INCA1: variants seen among roughly 807,000 people sequenced by gnomAD.
The protein encoded by INCA1 is inhibitor of CDK, cyclin A1 interacting protein 1, also known as protein INCA1.
Under a neutral mutation model 25.7 loss-of-function variants are expected in INCA1, and 28 were observed. The ratio of observed to expected loss-of-function variants is 1.09; its 90% CI spans 0.81 to 1.49. The LOEUF (loss-of-function observed/expected upper bound fraction) is 1.49. Among genes scored for constraint, INCA1 ranks in the 40% most tolerant of loss-of-function variants. The pLI is 0.00. For missense variants in INCA1, 309 were observed against 290.9 expected (o/e 1.06, Z -0.45); for synonymous variants, 111 against 103.6 (o/e 1.07, Z -0.43).
intron 5 of INCA1, 146 bp from the exon 6 acceptor site, chr17:4,989,090 G>T: frequency 1.1e-6 from 1 of 911,706 alleles, no homozygotes; most frequent in Non-Finnish European, 1.6e-6. Flanking sequence ...CCAATTTTCT[G>T]CTCCCCTCAG....
chr17:4,994,037 G>A (rs1186414408), intron 2 of INCA1, among the ~76,000 whole-genome samples: 3 of 152,104 alleles, frequency 2.0e-5, no homozygotes, highest in Admixed American at 2.0e-4. Flanking sequence ...CTCCCAAAGT[G>A]CTGGGATTAC....
chr17:4,990,994 C>T (rs1194321702), intron 2 of INCA1, among the ~76,000 whole-genome samples: 1 of 151,682 alleles, frequency 6.6e-6, no homozygotes, highest in Non-Finnish European at 1.5e-5. Context: ...TCTCGGCTCA[C>T]TGCAACCTCC....
chr17:4,997,482 T>C (rs886582), upstream of INCA1: 123,436 of 152,220 alleles, frequency 0.81, 50,982 homozygotes, highest in African/African-American at 0.94. Context: ...GCCGGCCGCA[T>C]TTGGCCCCAG....
intron 1 of INCA1, among the ~76,000 whole-genome samples, chr17:4,996,546 G>C (rs1158383034): frequency 1.3e-5 from 2 of 151,470 alleles, no homozygotes; most frequent in African/African-American, 4.9e-5. Context: ...GCCGGGTGTG[G>C]TGGCAGGCAT....
intron 1 of INCA1, chr17:4,995,773 A>G (rs1160025056): frequency 1.3e-5 from 2 of 152,086 alleles, no homozygotes; most frequent in Admixed American, 1.3e-4. Context: ...CTACTAAAAA[A>G]TACAAAAATT....
At chr17:4,989,704 G>A in intron 4 of INCA1, 80 bp from the exon 5 acceptor site, 2 of 1,574,156 alleles carry the variant, frequency 1.3e-6, no homozygotes, top group Non-Finnish European at 1.7e-6. Context: ...TAGGTAGGGA[G>A]TCTGGGGTCT....
At chr17:4,996,620 T>G (rs1465453529) in intron 1 of INCA1, among the ~76,000 whole-genome samples, 1 of 129,314 alleles carries the variant, frequency 7.7e-6, no homozygotes, top group Non-Finnish European at 1.6e-5. Context: ...AGGCGGAGGT[T>G]GCCGTGAGCC....
At chr17:4,991,852 A>G (rs1973895488) in intron 2 of INCA1, among the ~76,000 whole-genome samples, 2 of 152,160 alleles carry the variant, frequency 1.3e-5, no homozygotes, top group Non-Finnish European at 2.9e-5. Context: ...TCAGTTTTAC[A>G]TCTAAAATAC....
chr17:4,990,132 C>G lies in INCA1; in HGVS notation c.158+20G>C, dbSNP rs1973760740. 6.2e-7 allele frequency: 1 copy of G among 1,613,900 alleles called. No homozygotes were observed. The highest frequency in any genetic ancestry group is 8.5e-7 in the Non-Finnish European group (1 of 1,179,974). ...AGTTAAGACCACATCCAGTTAGTTT[C>G]CATTTTCTCCTCTACTCACGTGGGC... On this transcript the variant is annotated intron_variant, in intron 3 of 6. Coordinates refer to ENST00000576820, the Ensembl canonical transcript of INCA1.
At chr17:4,994,540 C>G in intron 1 of INCA1, 65 bp from the exon 2 acceptor site, 1 of 1,331,988 alleles carries the variant, frequency 7.5e-7, no homozygotes, top group Non-Finnish European at 1.1e-6. Context: ...GCCTGTAATC[C>G]CAGTACTTTT....
At chr17:4,996,666 C>CAAAAAAAAAAAAA (rs35732129) in intron 1 of INCA1, among the ~76,000 whole-genome samples, 1 of 51,774 alleles carries the variant, frequency 1.9e-5, no homozygotes, top group Non-Finnish European at 3.0e-5. Flanking sequence ...GACTCCGTCT[C>CAAAAAAAAAAAAA]AAAAAAAAAA....
intron 1 of INCA1, among the ~76,000 whole-genome samples, chr17:4,996,301 C>T (rs767202315): frequency 2.0e-5 from 3 of 151,454 alleles, no homozygotes; most frequent in East Asian, 1.9e-4. Context: ...CATCTGAGCC[C>T]GGGAGGTCAA....
exon 2 of INCA1, chr17:4,994,401 A>T (rs1974084927): frequency 6.2e-7 from 1 of 1,613,758 alleles, no homozygotes; most frequent in Non-Finnish European, 8.5e-7. Context: ...CACTTGGCAA[A>T]GGGGATGAGG....
At chr17:4,990,029 C>T in intron 3 of INCA1, 100 bp from the exon 4 acceptor site, 1 of 1,611,968 alleles carries the variant, frequency 6.2e-7, no homozygotes, top group Non-Finnish European at 8.5e-7. Flanking sequence ...TCATTAGGAG[C>T]TACAATGTCC....
chr17:4,989,569 G>C (rs150995543), exon 5 of INCA1: 4 of 1,614,228 alleles, frequency 2.5e-6, no homozygotes, highest in East Asian at 4.5e-5. Flanking sequence ...AAGCATTTCA[G>C]GGGGTGGGAG....
At chr17:4,991,586 C>T (rs537074898) in intron 2 of INCA1, among the ~76,000 whole-genome samples, 2 of 152,292 alleles carry the variant, frequency 1.3e-5, no homozygotes, top group Admixed American at 1.3e-4. Flanking sequence ...TATGTTAGGG[C>T]TTAGGCCTGG....
exon 5 of INCA1, chr17:4,989,446 C>T (rs139552288): frequency 8.8e-5 from 142 of 1,613,580 alleles, no homozygotes; most frequent in East Asian, 3.6e-4. Flanking sequence ...GATGCTCTGA[C>T]GCCTTCTTAG....
intron 6 of INCA1, 80 bp downstream of exon 6, chr17:4,988,699 G>T: frequency 6.3e-7 from 1 of 1,584,314 alleles, no homozygotes; most frequent in Non-Finnish European, 8.6e-7. Context: ...CTCCAGCCTG[G>T]CTCTCAGCTT....
chr17:4,989,406 C>T (rs750252196), intron 5 of INCA1, 22 bp downstream of exon 5: 5 of 1,602,156 alleles, frequency 3.1e-6, no homozygotes, highest in Non-Finnish European at 4.3e-6. Context: ...ACTCCCAGAA[C>T]CCAGATGTCT....
Sources: gnomAD v4.1 joint callset for allele counts (sites outside exome capture counted in the v4.1 genomes callset) on GRCh38, gnomAD v4.1.1 for gene constraint, MANE v1.5 for transcripts, NCBI Gene and HGNC (gene_info 2026-07-23, HGNC 2026-07-21) for gene names.